The following SUPT3H variants were observed in gnomAD, a reference collection of about 807,000 sequenced individuals.
SUPT3H encodes transcription initiation protein SPT3 homolog.
SUPT3H carries 44 observed loss-of-function variants against 44.3 expected under a neutral mutation model. The observed-to-expected ratio is 0.99, with a 90% CI of 0.78 to 1.28. SUPT3H has a LOEUF of 1.28. Ranked by LOEUF, SUPT3H falls within the 50% of genes most tolerant of loss-of-function variation. The pLI is 0.00. For missense variants in SUPT3H, 380 were observed against 387.1 expected (o/e 0.98, Z 0.15); for synonymous variants, 124 against 125.6 (o/e 0.99, Z 0.09).
intron 2 of SUPT3H, chr6:45,197,687 GA>G: frequency 3.1e-6 from 1 of 318,824 alleles, no homozygotes; most frequent in Non-Finnish European, 6.4e-6. Context: ...AGAAGATAAA[GA>G]GTGAAAAACC....
chr6:45,291,361 C>A lies in SUPT3H; in HGVS notation c.101+73840G>T, dbSNP rs1237820118. Reference sequence around the variant, plus strand: ...AACCAAATGAGAAGGAACCAGAAAACCAACTCTGGTAATATGACAAAACAA... The same window carrying A: ...AACCAAATGAGAAGGAACCAGAAAAACAACTCTGGTAATATGACAAAACAA... On this transcript the variant is annotated intron_variant, in intron 2 of 10. Transcript: ENST00000371459. Among the ~76,000 whole-genome samples the A allele has an allele frequency of 2.6e-5, 4 of 152,172 alleles. No individual in the cohort carries two copies. The East Asian group carries it at 7.7e-4, about 29-fold the overall frequency.
intron 3 of SUPT3H, among the ~76,000 whole-genome samples, chr6:45,069,883 C>G (rs1320206847): frequency 6.6e-6 from 1 of 152,092 alleles, no homozygotes; most frequent in Non-Finnish European, 1.5e-5. Context: ...TACATTAGCT[C>G]CCTTCCACTG....
intron 2 of SUPT3H, among the ~76,000 whole-genome samples, chr6:45,189,681 C>G (rs747399335): frequency 4.6e-5 from 7 of 152,016 alleles, no homozygotes; most frequent in Non-Finnish European, 8.8e-5. Flanking sequence ...AGGAAGTCCT[C>G]ACCACCAAAG....
At chr6:45,296,550 C>G (rs1024339043) in intron 2 of SUPT3H, among the ~76,000 whole-genome samples, 2 of 151,640 alleles carry the variant, frequency 1.3e-5, no homozygotes, top group African/African-American at 4.8e-5. Context: ...ACTAGCCTGG[C>G]CAACACGGTG....
At chr6:45,128,653 G>C (rs1802928678) in intron 2 of SUPT3H, among the ~76,000 whole-genome samples, 4 of 140,912 alleles carry the variant, frequency 2.8e-5, no homozygotes. Flanking sequence ...CAAGAGTCCA[G>C]TCTATAGAAT....
At chr6:44,998,970 C>CA (rs1781643051) in intron 6 of SUPT3H, among the ~76,000 whole-genome samples, 1 of 151,990 alleles carries the variant, frequency 6.6e-6, no homozygotes, top group Non-Finnish European at 1.5e-5. Context: ...ACTATCTAAA[C>CA]AGTCTGTGAC....
At chr6:44,886,309 T>C (rs933309625) in intron 10 of SUPT3H, among the ~76,000 whole-genome samples, 1 of 151,856 alleles carries the variant, frequency 6.6e-6, no homozygotes, top group Admixed American at 6.6e-5. Flanking sequence ...CCAAGACACA[T>C]AATTGTCAGA....
At chr6:45,019,932 T>G (rs558834210) in intron 4 of SUPT3H, among the ~76,000 whole-genome samples, 1 of 152,086 alleles carries the variant, frequency 6.6e-6, no homozygotes, top group African/African-American at 2.4e-5. Context: ...TTAGAGAATA[T>G]TTTTGACTAC....
intron 2 of SUPT3H, among the ~76,000 whole-genome samples, chr6:45,109,836 T>C (rs1419435455): frequency 6.6e-6 from 1 of 152,168 alleles, no homozygotes; most frequent in African/African-American, 2.4e-5. Context: ...ACTATTTTGA[T>C]TTTTTTCCCC....
intron 10 of SUPT3H, among the ~76,000 whole-genome samples, chr6:44,896,354 G>T (rs1281212452): frequency 6.6e-6 from 1 of 152,108 alleles, no homozygotes; most frequent in African/African-American, 2.4e-5. Context: ...CGCAAGTAAT[G>T]TTCTAAGGAC....
At chr6:44,815,892 A>G (rs932354208) in intron 11 of SUPT3H, among the ~76,000 whole-genome samples, 4 of 151,952 alleles carry the variant, frequency 2.6e-5, no homozygotes, top group African/African-American at 7.2e-5. Context: ...TTGCACCAAC[A>G]TATCAACCAA....
intron 2 of SUPT3H, among the ~76,000 whole-genome samples, chr6:45,158,298 A>ATATATATATATATATATT: frequency 2.0e-5 from 2 of 99,694 alleles, no homozygotes; most frequent in African/African-American, 1.0e-4. Context: ...ATATATATAT[A>ATATATATATATATATATT]TTTTTTTTTT....
chr6:45,180,347 C>T (rs1812902330), intron 2 of SUPT3H, among the ~76,000 whole-genome samples: 1 of 150,228 alleles, frequency 6.7e-6, no homozygotes. Flanking sequence ...TGACTCTCTT[C>T]ACAGAATTGG....
intron 10 of SUPT3H, among the ~76,000 whole-genome samples, chr6:44,909,264 T>C (rs1766636735): frequency 6.6e-6 from 1 of 152,058 alleles, no homozygotes; most frequent in African/African-American, 2.4e-5. Context: ...GGCTGCTCAA[T>C]TTATCTATTT....
chr6:45,339,414 A>C (rs1000774574), intron 2 of SUPT3H, among the ~76,000 whole-genome samples: 2 of 152,192 alleles, frequency 1.3e-5, no homozygotes, highest in African/African-American at 4.8e-5. Context: ...TAAAGACAAA[A>C]TGCATATCCA....
intron 2 of SUPT3H, among the ~76,000 whole-genome samples, chr6:45,124,121 G>A (rs183911360): frequency 6.6e-6 from 1 of 152,246 alleles, no homozygotes; most frequent in African/African-American, 2.4e-5. Flanking sequence ...TCAGAGAGGA[G>A]AGAAAGGAAA....
intron 7 of SUPT3H, among the ~76,000 whole-genome samples, chr6:44,960,451 AAAAC>A (rs905674956): frequency 1.4e-5 from 2 of 147,958 alleles, no homozygotes; most frequent in African/African-American, 2.4e-5. Flanking sequence ...AAAGCAAAAC[AAAAC>A]AAACAAAAAC....
chr6:45,134,534 T>C (rs1026962427), intron 2 of SUPT3H, among the ~76,000 whole-genome samples: 6 of 152,184 alleles, frequency 3.9e-5, no homozygotes, highest in African/African-American at 1.2e-4. Context: ...CAGTCAGATA[T>C]GGGTGAGACT....
chr6:45,266,257 T>C (rs981802262), intron 2 of SUPT3H, among the ~76,000 whole-genome samples: 1 of 151,964 alleles, frequency 6.6e-6, no homozygotes, highest in African/African-American at 2.4e-5. Context: ...AAATGCTAGA[T>C]GTTACTGTAA....
Sources: allele counts gnomAD v4.1 joint callset (sites outside exome capture counted in the v4.1 genomes callset), GRCh38; gene constraint gnomAD v4.1.1; transcripts MANE v1.5; gene names NCBI Gene and HGNC (gene_info 2026-07-23, HGNC 2026-07-21).